The following L3HYPDH variants were observed in gnomAD, a reference collection of about 807,000 sequenced individuals.
L3HYPDH encodes trans-3-hydroxy-L-proline dehydratase.
In L3HYPDH, 32 loss-of-function variants were observed where a neutral mutation model predicts 26.5. That is an observed-to-expected ratio of 1.21 (90% CI 0.91 to 1.62). L3HYPDH has a LOEUF of 1.62. L3HYPDH is among the 40% of genes most tolerant of loss of function. The pLI is 0.00. For synonymous variants in L3HYPDH, 215 were observed against 196.6 expected (o/e 1.09, Z -0.78); for missense variants, 554 against 476.4 (o/e 1.16, Z -1.52).
intron 4 of L3HYPDH, 96 bp from the exon 5 acceptor site, chr14:59,473,186 A>G: frequency 8.4e-7 from 1 of 1,191,204 alleles, no homozygotes; most frequent in African/African-American, 1.6e-5. Context: ...TGTGAAGGAA[A>G]GGCCAAGGGT....
the L3HYPDH span, chr14:59,505,147 CTTCTA>C: frequency 9.3e-6 from 5 of 537,648 alleles, no homozygotes; most frequent in Non-Finnish European, 1.2e-5. Flanking sequence ...ATGTTTAAGA[CTTCTA>C]TTAACAGCTG....
chr14:59,474,568 G>T (rs1889496338), intron 4 of L3HYPDH: 2 of 696,902 alleles, frequency 2.9e-6, no homozygotes, highest in South Asian at 3.0e-5. Flanking sequence ...TTGTCTGACA[G>T]CAATATAATA....
chr14:59,498,597 C>A, the L3HYPDH span: 1 of 540,756 alleles, frequency 1.8e-6, no homozygotes, highest in Non-Finnish European at 3.1e-6. Flanking sequence ...TTCCACCAAT[C>A]TGAATATCCA....
upstream of L3HYPDH, chr14:59,484,539 C>T: frequency 1.9e-6 from 3 of 1,560,628 alleles, no homozygotes; most frequent in African/African-American, 1.4e-5. Context: ...TTCGGTGCAG[C>T]TGCCAGATCC....
At chr14:59,490,518 T>A in the L3HYPDH span, among the ~76,000 whole-genome samples, 1 of 152,078 alleles carries the variant, frequency 6.6e-6, no homozygotes, top group Non-Finnish European at 1.5e-5. Context: ...GTAGGTAGAT[T>A]AGAGGTGAGA....
the L3HYPDH span, among the ~76,000 whole-genome samples, chr14:59,494,001 C>T: frequency 6.6e-6 from 1 of 152,048 alleles, no homozygotes; most frequent in Non-Finnish European, 1.5e-5. Flanking sequence ...GGACAACTGG[C>T]AATTCAAATG....
the L3HYPDH span, chr14:59,498,793 G>A: frequency 6.2e-7 from 1 of 1,603,940 alleles, no homozygotes; most frequent in South Asian, 1.1e-5. Flanking sequence ...GACCTCTTCT[G>A]GTGAAGAAGA....
upstream of L3HYPDH, chr14:59,487,178 G>C (rs1890648603): frequency 6.3e-6 from 1 of 158,810 alleles, no homozygotes; most frequent in Non-Finnish European, 1.4e-5. Flanking sequence ...ATTCCAGCGT[G>C]GGCAACAGAG....
At chr14:59,474,208 C>T (rs1430126722) in intron 4 of L3HYPDH, among the ~76,000 whole-genome samples, 1 of 152,094 alleles carries the variant, frequency 6.6e-6, no homozygotes, top group East Asian at 1.9e-4. Flanking sequence ...AAGCCAAGGG[C>T]ATGGTGCCCA....
rs746888775 is a variant in L3HYPDH, at chr14:59,484,088, C to G, written c.229G>C (p.Gly77Arg). The change falls in exon 1 of 5, where the codon GGG becomes CGG. Residue 77 changes from glycine to arginine, a missense_variant. Gly to Arg is a moderately radical substitution (Grantham distance 125). Coordinates refer to ENST00000247194, the MANE Select transcript of L3HYPDH (RefSeq NM_144581.2). Reference sequence around the variant, plus strand: ...AGCTCGCTCGGGACTAGGACCGCCCCGTACATGTCCCGGTGCCCTCGGGGC... The same window carrying G: ...AGCTCGCTCGGGACTAGGACCGCCCGGTACATGTCCCGGTGCCCTCGGGGC... ...FEPRGHRDMY[G>R]AVLVPSELPD... The G allele has an allele frequency of 5.6e-6, 9 of 1,606,602 alleles. No individual in the cohort carries two copies. The highest frequency in any genetic ancestry group is 7.6e-6 in the Non-Finnish European group (9 of 1,179,462).
Position 59,479,427 on chromosome 14 carries a change from AAT to A in L3HYPDH, c.509-78_509-77del, listed in dbSNP as rs1491470679. 6.0e-6 allele frequency: 8 copies of A among 1,326,478 alleles called. No homozygotes were observed. The African/African-American group carries it at 6.0e-5, about 10-fold the overall frequency. The allele number at this position is 1,326,478 out of a possible 1,614,324, so 82.2% of individuals were successfully genotyped here. A position where few individuals can be genotyped will look rare whatever the true frequency, so the allele number is the denominator to read the frequency against. On this transcript the variant is annotated intron_variant, in intron 1 of 4. Transcript: ENST00000247194. ...TAGCAATAAAATTCAAAGGATTTTT[AAT>A]ATGTTTATTTTTCAAGAGGGATGTT...
At chr14:59,468,168 G>A (rs576105286), downstream of L3HYPDH, among the ~76,000 whole-genome samples, 14 of 152,324 alleles carry the variant, frequency 9.2e-5, no homozygotes, top group Admixed American at 3.9e-4. Context: ...AGGGAGGATC[G>A]TATGAGCCCA....
At chr14:59,470,691 A>G (rs373891268), downstream of L3HYPDH, among the ~76,000 whole-genome samples, 1 of 152,168 alleles carries the variant, frequency 6.6e-6, no homozygotes, top group East Asian at 1.9e-4. Flanking sequence ...TGCATAAACC[A>G]TAAGACCTGG....
Position 59,475,991 on chromosome 14 carries a change from T to A in L3HYPDH, c.817A>T (p.Thr273Ser), listed in dbSNP as rs1394189234. The A allele has an allele frequency of 6.2e-7, 1 of 1,613,986 alleles. No individual in the cohort carries two copies. The highest frequency in any genetic ancestry group is 2.2e-5 in the East Asian group (1 of 44,880). ...FADEQVDRSP[T>S]GSGVTARIAL... ...ATTCGGGCTGTCACTCCTGAGCCAG[T>A]GGGACTTCTGTCAACCTGTTTCAGA... Residue 273 changes from threonine (T) to serine (S), a missense_variant, in exon 4 of 5, where the codon ACT becomes TCT. By Grantham distance (58) the Thr-to-Ser change is moderately conservative (BLOSUM62 1). Transcript: ENST00000247194.
chr14:59,470,409 G>T (rs1294788595), downstream of L3HYPDH, among the ~76,000 whole-genome samples: 1 of 152,220 alleles, frequency 6.6e-6, no homozygotes. Flanking sequence ...TGCTATCTGT[G>T]TCTTTCAGGA....
chr14:59,502,773 T>G, the L3HYPDH span, among the ~76,000 whole-genome samples: 1,210 of 102,502 alleles, frequency 0.012, 51 homozygotes, highest in African/African-American at 0.022. Context: ...TTTTTTTTTT[T>G]CGGAGTCTCA....
chr14:59,490,070 G>C, the L3HYPDH span, among the ~76,000 whole-genome samples: 1 of 151,944 alleles, frequency 6.6e-6, no homozygotes. Context: ...CTACAGGCGT[G>C]TACCACCATA....
At chr14:59,478,692 T>C (rs1426230765) in intron 2 of L3HYPDH, 1 of 152,658 alleles carries the variant, frequency 6.6e-6, no homozygotes, top group Non-Finnish European at 1.5e-5. Flanking sequence ...ACAAAGCAGG[T>C]ATTTTTTAAT....
chr14:59,499,966 C>T, the L3HYPDH span, among the ~76,000 whole-genome samples: 1 of 152,160 alleles, frequency 6.6e-6, no homozygotes, highest in African/African-American at 2.4e-5. Flanking sequence ...GGGACCTGTT[C>T]TTAAAAGGAT....
Sources: allele counts gnomAD v4.1 joint callset (sites outside exome capture counted in the v4.1 genomes callset), GRCh38; gene constraint gnomAD v4.1.1; transcripts MANE v1.5; gene names NCBI Gene and HGNC (gene_info 2026-07-23, HGNC 2026-07-21).